CIZ1: variants seen among roughly 807,000 people sequenced by gnomAD.
CIZ1 encodes the protein cip1-interacting zinc finger protein.
Under a neutral mutation model 118.6 loss-of-function variants are expected in CIZ1, and 58 were observed. The ratio of observed to expected loss-of-function variants is 0.49; its 90% CI spans 0.40 to 0.61. CIZ1 has a LOEUF of 0.61. Among genes scored for constraint, CIZ1 ranks in the 20% least tolerant of loss-of-function variants. The pLI, the probability that CIZ1 is intolerant of heterozygous loss-of-function variation, is 0.00. For missense variants in CIZ1, 921 were observed against 1,115.9 expected (o/e 0.83, Z 2.49); for synonymous variants, 448 against 443.4 (o/e 1.01, Z -0.13).
intron 3 of CIZ1, among the ~76,000 whole-genome samples, chr9:128,189,594 T>C (rs1588255074): frequency 6.6e-6 from 1 of 151,352 alleles, no homozygotes. Flanking sequence ...CCAAGGCGGG[T>C]GGATCACCTG....
chr9:128,199,537 C>T (rs1833459220), intron 1 of CIZ1, among the ~76,000 whole-genome samples: 1 of 150,764 alleles, frequency 6.6e-6, no homozygotes, highest in African/African-American at 2.4e-5. Flanking sequence ...CCCGTCTGTA[C>T]AAAAAAAAAT....
rs1833094517 is a variant in CIZ1 at position 128,191,164 on chromosome 9, C to T, written c.-6+268G>A. 1 of 485,150 alleles carries T rather than the reference C, an allele frequency of 2.1e-6. No homozygotes were observed. The highest frequency in any genetic ancestry group is 2.0e-5 in the African/African-American group (1 of 50,598). 30.1% of individuals were successfully genotyped at this position (485,150 alleles called of 1,614,324 possible). On this transcript the variant is annotated intron_variant, in intron 1 of 16. Coordinates refer to ENST00000372938, the MANE Select transcript of CIZ1 (RefSeq NM_001131016.2). The surrounding 1 kb of genome is among the most constrained non-coding windows in gnomAD (Gnocchi z 5.5). The stretch of plus-strand genomic sequence containing the variant: ...TCTGGCGGCTCCATCCTCCCACCCT[C>T]AGCCTCAGCCTCTCTCTGCGCCCAT...
At chr9:128,168,910 G>T in intron 14 of CIZ1, 142 bp downstream of exon 14, 2 of 1,145,178 alleles carry the variant, frequency 1.7e-6, no homozygotes, top group Non-Finnish European at 2.5e-6. Flanking sequence ...TCATGCAGAA[G>T]GCAGTTGACA....
At chr9:128,167,009 G>T in intron 15 of CIZ1, 86 bp downstream of exon 15, 1 of 1,577,540 alleles carries the variant, frequency 6.3e-7, no homozygotes, top group Non-Finnish European at 8.7e-7. Context: ...CAGCCAGAAT[G>T]CCATGGCTGG....
At position 128,190,776 on chromosome 9, in the gene CIZ1, GCTGCTGGAGCTGCTGCTGCTGTAA is replaced by G. The variant is rs768712577; in HGVS notation, c.58_81del (p.Leu20_Gln27del). The G allele has an allele frequency of 3.1e-5, 47 of 1,539,472 alleles. No homozygotes were observed. The highest frequency in any genetic ancestry group is 7.9e-5 in the Admixed American group (4 of 50,848). On this transcript the variant is annotated inframe_deletion, in exon 2 of 17. Transcript: ENST00000372938. The stretch of plus-strand genomic sequence containing the variant: ...AGTAACTGCTGCTGCTGCAATTGCT[GCTGCTGGAGCTGCTGCTGCTGTAA>G]CTGCTGGAGCTGCTGCTGCTGTTGC...
chr9:128,201,139 G>A (rs1039603399), intron 1 of CIZ1, among the ~76,000 whole-genome samples: 3 of 150,224 alleles, frequency 2.0e-5, no homozygotes, highest in South Asian at 2.1e-4. Flanking sequence ...GTGGTGGCAC[G>A]AGCCTGTAGT....
intron 3 of CIZ1, among the ~76,000 whole-genome samples, chr9:128,189,089 C>T (rs1832810961): frequency 6.6e-6 from 1 of 152,114 alleles, no homozygotes; most frequent in South Asian, 2.1e-4. Context: ...GTGTGAGCCA[C>T]CACACCCAGC....
intron 8 of CIZ1, 77 bp from the exon 9 acceptor site, chr9:128,178,567 T>G: frequency 6.2e-7 from 1 of 1,608,290 alleles, no homozygotes; most frequent in Non-Finnish European, 8.5e-7. Flanking sequence ...GCCAGAACCT[T>G]GAGGCCCCCA....
intron 10 of CIZ1, 21 bp downstream of exon 10, chr9:128,177,545 C>CCAAAAAAA: frequency 7.5e-7 from 1 of 1,336,162 alleles, no homozygotes; most frequent in Non-Finnish European, 1.0e-6. Flanking sequence ...CCCTCCCCAC[C>CCAAAAAAA]CTTATCTCCT....
intron 11 of CIZ1, among the ~76,000 whole-genome samples, chr9:128,173,483 T>C (rs1200838345): frequency 6.6e-6 from 1 of 151,508 alleles, no homozygotes; most frequent in African/African-American, 2.4e-5. Flanking sequence ...ACAGGTCTCA[T>C]GACGGGCTGG....
chr9:128,173,095 G>C (rs977543206), intron 11 of CIZ1, among the ~76,000 whole-genome samples: 3 of 144,864 alleles, frequency 2.1e-5, no homozygotes, highest in African/African-American at 7.6e-5. Flanking sequence ...CTCCTAAGTA[G>C]CCAGGACTAC....
intron 10 of CIZ1, 99 bp downstream of exon 10, chr9:128,177,467 G>T: frequency 1.3e-6 from 1 of 781,842 alleles, no homozygotes. Flanking sequence ...ATGGCTGCTT[G>T]GGGCAGGGCC....
chr9:128,170,906 G>T (rs1310523843), intron 11 of CIZ1, among the ~76,000 whole-genome samples: 1 of 151,980 alleles, frequency 6.6e-6, no homozygotes, highest in Non-Finnish European at 1.5e-5. Flanking sequence ...CAGAAGGACT[G>T]CTTGAGCCCA....
In CIZ1 at chr9:128,203,123, A is replaced by C. The variant is rs1159761879; in HGVS notation, c.-6+1063T>G. On this transcript the variant is annotated intron_variant, in intron 1 of 17. Coordinates refer to the CIZ1 transcript ENST00000372948. This position sits in a 1 kb window ranked among gnomAD's most constrained non-coding sequence, Gnocchi z 5.3. Reference sequence around the variant, plus strand: ...ATCGGTAAGATGGAGTGAAACATCCAGACCACTCTCCAAGAGGCCTGGTAC... The same window carrying C: ...ATCGGTAAGATGGAGTGAAACATCCCGACCACTCTCCAAGAGGCCTGGTAC... Among the ~76,000 whole-genome samples the C allele has an allele frequency of 6.6e-6, 1 of 152,230 alleles. No homozygotes were observed. Among genetic ancestry groups the C allele is most frequent in the Non-Finnish European group, 1.5e-5 (1 of 68,040 alleles).
At chr9:128,194,659 A>G (rs181271566), upstream of CIZ1, among the ~76,000 whole-genome samples, 3 of 152,042 alleles carry the variant, frequency 2.0e-5, no homozygotes, top group Non-Finnish European at 4.4e-5. Flanking sequence ...TCTACTAAAA[A>G]TACAAAAAAT....
At chr9:128,198,661 G>A (rs1473436928) in intron 1 of CIZ1, among the ~76,000 whole-genome samples, 9 of 151,858 alleles carry the variant, frequency 5.9e-5, no homozygotes, top group South Asian at 4.2e-4. Flanking sequence ...ATGAAACCCC[G>A]TCTCTACTAA....
chr9:128,201,660 C>T (rs1483570430), intron 1 of CIZ1, among the ~76,000 whole-genome samples: 1 of 152,172 alleles, frequency 6.6e-6, no homozygotes, highest in Non-Finnish European at 1.5e-5. Context: ...CTCCAGCTGT[C>T]TGGTGAGCTG....
intron 1 of CIZ1, chr9:128,202,982 G>T (rs770175589): frequency 2.0e-5 from 3 of 152,152 alleles, no homozygotes; most frequent in Non-Finnish European, 2.9e-5. Context: ...TCAGAGTCAG[G>T]ATCTAGGGAT....
intron 3 of CIZ1, among the ~76,000 whole-genome samples, 164 bp from the exon 4 acceptor site, chr9:128,188,098 AGC>A (rs1832658978): frequency 3.6e-4 from 39 of 109,228 alleles, no homozygotes; most frequent in Non-Finnish European, 5.4e-4. Flanking sequence ...AATTAAAAAA[AGC>A]AAAAGAAAGA....
Sources: gnomAD v4.1 joint callset for allele counts (sites outside exome capture counted in the v4.1 genomes callset) on GRCh38, gnomAD v4.1.1 for gene constraint, Gnocchi (gnomAD v3.1) non-coding constraint, MANE v1.5 for transcripts, NCBI Gene and HGNC (gene_info 2026-07-23, HGNC 2026-07-21) for gene names.